Variants in DCC observed in about 807,000 individuals in gnomAD.
The protein encoded by DCC is netrin receptor DCC.
In DCC, 58 loss-of-function variants were observed where a neutral mutation model predicts 172.5. The observed-to-expected ratio is 0.34, with a 90% confidence interval of 0.27 to 0.42. DCC has a LOEUF of 0.42. Ranked by LOEUF, DCC falls within the 10% of genes least tolerant of loss-of-function variation. DCC has a pLI of 1.00. For synonymous variants in DCC, 709 were observed against 644.5 expected (o/e 1.10, Z -1.52); for missense variants, 1,740 against 1,791.0 (o/e 0.97, Z 0.51).
In DCC at chr18:52,664,663, G is replaced by A. The variant is rs369385057; in HGVS notation, c.92-87391G>A. Among the ~76,000 whole-genome samples, 606 of 151,678 alleles carry A rather than the reference G, an allele frequency of 4.0e-3. 5 individuals are homozygous for A. The highest frequency in any genetic ancestry group is 0.014 in the African/African-American group (583 of 41,336). On this transcript the variant is annotated intron_variant, in intron 1 of 28. Transcript: ENST00000442544. The stretch of plus-strand genomic sequence containing the variant: ...TTTTTTGTATTTTTTAGTAGAGACG[G>A]GGTTTCACCGTGTTAGCCAGGATGG...
intron 1 of DCC, among the ~76,000 whole-genome samples, chr18:52,409,905 G>C (rs1467782942): frequency 2.0e-5 from 3 of 152,080 alleles, no homozygotes; most frequent in Non-Finnish European, 4.4e-5. Flanking sequence ...GTCAACAATA[G>C]AATCTAAGAC....
chr18:52,974,201 G>A (rs1598987898), intron 5 of DCC, among the ~76,000 whole-genome samples: 1 of 152,154 alleles, frequency 6.6e-6, no homozygotes, highest in Non-Finnish European at 1.5e-5. Flanking sequence ...TTTTCCTGCA[G>A]CTTGAAAATC....
intron 23 of DCC, among the ~76,000 whole-genome samples, chr18:53,456,102 C>G (rs1022063449): frequency 5.3e-5 from 8 of 152,052 alleles, no homozygotes; most frequent in African/African-American, 1.9e-4. Flanking sequence ...GTGAGTGGTA[C>G]AGAGAGAGAT....
chr18:52,821,293 G>A (rs1239156166), intron 2 of DCC, among the ~76,000 whole-genome samples: 1 of 151,984 alleles, frequency 6.6e-6, no homozygotes, highest in Non-Finnish European at 1.5e-5. Flanking sequence ...CATTCCACAT[G>A]CCCTCCCCTC....
chr18:53,313,032 G>A (rs2057298210), intron 13 of DCC, among the ~76,000 whole-genome samples: 1 of 72,916 alleles, frequency 1.4e-5, no homozygotes, highest in Admixed American at 1.2e-4. Flanking sequence ...AAGGGAAGAA[G>A]GAGGAAAGGG....
At chr18:52,743,391 T>G (rs2036854357) in intron 1 of DCC, among the ~76,000 whole-genome samples, 2 of 152,226 alleles carry the variant, frequency 1.3e-5, no homozygotes, top group Admixed American at 1.3e-4. Flanking sequence ...TTTCTCTTTT[T>G]AGTGTTAATT....
At chr18:52,801,506 A>G (rs1247618987) in intron 2 of DCC, among the ~76,000 whole-genome samples, 4 of 152,238 alleles carry the variant, frequency 2.6e-5, no homozygotes, top group African/African-American at 9.6e-5. Flanking sequence ...AAAATTTCCA[A>G]AAGAAGATTG....
At chr18:53,226,555 G>A (rs1475052269) in intron 12 of DCC, among the ~76,000 whole-genome samples, 1 of 151,984 alleles carries the variant, frequency 6.6e-6, no homozygotes, top group Non-Finnish European at 1.5e-5. Context: ...TAAAAACTTA[G>A]GGTATTTTTG....
chr18:53,190,873 G>A (rs964549474), intron 9 of DCC, among the ~76,000 whole-genome samples: 1 of 152,174 alleles, frequency 6.6e-6, no homozygotes, highest in Non-Finnish European at 1.5e-5. Flanking sequence ...GTGAACCTGG[G>A]AGGCGGAGCT....
intron 1 of DCC, among the ~76,000 whole-genome samples, chr18:52,390,300 C>T (rs1985981137): frequency 6.6e-6 from 1 of 152,106 alleles, no homozygotes; most frequent in South Asian, 2.1e-4. Context: ...TTCCAAAGCT[C>T]TACCTGCTGG....
In DCC at chr18:52,908,484, G is replaced by A. The variant is rs1015628145; in HGVS notation, c.697+2156G>A. Among the ~76,000 whole-genome samples the A allele has an allele frequency of 2.0e-5, 3 of 152,116 alleles. No individual in the cohort carries two copies. The East Asian group carries it at 5.8e-4, about 29-fold the overall frequency. On this transcript the variant is annotated intron_variant, in intron 3 of 28. Transcript: ENST00000442544. Reference sequence around the variant, plus strand: ...TGCATCTGTTGAGTATATCAGATGGGAAGCCAAGGTAAGCTGCATGGAAAA... The same window carrying A: ...TGCATCTGTTGAGTATATCAGATGGAAAGCCAAGGTAAGCTGCATGGAAAA...
At chr18:53,214,873 T>C (rs1164951971) in intron 11 of DCC, among the ~76,000 whole-genome samples, 2 of 152,180 alleles carry the variant, frequency 1.3e-5, no homozygotes, top group African/African-American at 4.8e-5. Flanking sequence ...TATATGTTCT[T>C]CCTTCTATAA....
chr18:52,958,254 A>AT (rs924912376), intron 5 of DCC, among the ~76,000 whole-genome samples: 6 of 151,662 alleles, frequency 4.0e-5, no homozygotes, highest in African/African-American at 9.7e-5. Flanking sequence ...TATAATCTGC[A>AT]TTTTTTTGTG....
At chr18:53,429,460 G>T (rs1405406302) in intron 21 of DCC, among the ~76,000 whole-genome samples, 1 of 151,820 alleles carries the variant, frequency 6.6e-6, no homozygotes, top group Non-Finnish European at 1.5e-5. Flanking sequence ...ATTCGTGTGT[G>T]AAATTATTAT....
At chr18:52,819,548 T>C (rs1199500627) in intron 2 of DCC, among the ~76,000 whole-genome samples, 2 of 152,134 alleles carry the variant, frequency 1.3e-5, no homozygotes, top group African/African-American at 4.8e-5. Flanking sequence ...GACCACTTTG[T>C]ATGGTGCAGT....
At chr18:52,999,655 C>G (rs1336571215) in intron 5 of DCC, among the ~76,000 whole-genome samples, 1 of 152,048 alleles carries the variant, frequency 6.6e-6, no homozygotes, top group South Asian at 2.1e-4. Flanking sequence ...TAAGTATCTT[C>G]CCTTTCAAAA....
intron 26 of DCC, among the ~76,000 whole-genome samples, chr18:53,489,774 A>G (rs2045940577): frequency 6.6e-6 from 1 of 152,222 alleles, no homozygotes; most frequent in African/African-American, 2.4e-5. Flanking sequence ...TTTGCATTAC[A>G]TGTATTCGCT....
chr18:53,448,245 TAAAGG>T (rs1912756121), intron 22 of DCC, among the ~76,000 whole-genome samples: 1 of 152,146 alleles, frequency 6.6e-6, no homozygotes, highest in Non-Finnish European at 1.5e-5. Flanking sequence ...GGGTAATTTA[TAAAGG>T]AAAGAGGTTT....
chr18:53,144,602 G>T (rs916454488), intron 7 of DCC, among the ~76,000 whole-genome samples: 1 of 152,114 alleles, frequency 6.6e-6, no homozygotes, highest in African/African-American at 2.4e-5. Context: ...TCCCTCCCAC[G>T]ACACATGGGA....
Sources: allele counts gnomAD v4.1 joint callset (sites outside exome capture counted in the v4.1 genomes callset), GRCh38; gene constraint gnomAD v4.1.1; transcripts MANE v1.5; gene names NCBI Gene and HGNC (gene_info 2026-07-23, HGNC 2026-07-21).